APPBP2: variants seen among roughly 807,000 people sequenced by gnomAD.
APPBP2 encodes the protein amyloid beta precursor protein binding protein 2.
Under a neutral mutation model 76.0 loss-of-function variants are expected in APPBP2, and 15 were observed. The observed-to-expected ratio is 0.20, with a 90% CI of 0.13 to 0.30. APPBP2 has a LOEUF of 0.30. Ranked by LOEUF, APPBP2 falls within the 10% of genes least tolerant of loss-of-function variation. The pLI is 1.00. For missense variants in APPBP2, 401 were observed against 687.2 expected (o/e 0.58, Z 4.66); for synonymous variants, 222 against 242.2 (o/e 0.92, Z 0.77).
intron 1 of APPBP2, among the ~76,000 whole-genome samples, chr17:60,518,358 CGTGTGTGTGTGTGTGTGTGTGTGTGT>C (rs59428194): frequency 4.5e-4 from 40 of 89,098 alleles, no homozygotes; most frequent in African/African-American, 1.9e-3. Context: ...TGTGTGCGTG[CGTGTGTGTGTGTGTGTGTGTGTGTGT>C]GTGTGTGTGT....
At chr17:60,463,148 C>T (rs1377982957) in intron 6 of APPBP2, among the ~76,000 whole-genome samples, 4 of 152,162 alleles carry the variant, frequency 2.6e-5, no homozygotes, top group African/African-American at 9.7e-5. Flanking sequence ...ATATTAGACT[C>T]TCTCAGATCT....
At chr17:60,498,156 T>C (rs1023492582) in intron 2 of APPBP2, among the ~76,000 whole-genome samples, 5 of 151,064 alleles carry the variant, frequency 3.3e-5, no homozygotes, top group Admixed American at 2.6e-4. Context: ...GCAAGTACAA[T>C]GAAAAGCCAG....
At chr17:60,451,470 A>T (rs772369750) in intron 12 of APPBP2, among the ~76,000 whole-genome samples, 46 of 151,918 alleles carry the variant, frequency 3.0e-4, no homozygotes, top group Non-Finnish European at 4.9e-4. Context: ...TTAGTATTTT[A>T]TTTTATTTTA....
intron 4 of APPBP2, among the ~76,000 whole-genome samples, chr17:60,469,534 C>T (rs1212261008): frequency 6.6e-6 from 1 of 152,054 alleles, no homozygotes; most frequent in Non-Finnish European, 1.5e-5. Context: ...CTATCCACTT[C>T]CAAAACTTTT....
At chr17:60,450,437 CAAA>C (rs374410554) in intron 12 of APPBP2, among the ~76,000 whole-genome samples, 11 of 114,728 alleles carry the variant, frequency 9.6e-5, no homozygotes, top group Admixed American at 1.8e-4. Flanking sequence ...GACTCCCTCT[CAAA>C]AAAAAAAAAA....
At chr17:60,484,918 A>T (rs887848817) in intron 3 of APPBP2, among the ~76,000 whole-genome samples, 3 of 151,152 alleles carry the variant, frequency 2.0e-5, no homozygotes, top group African/African-American at 7.3e-5. Flanking sequence ...TAATTTATTG[A>T]GAGTTGAATT....
intron 3 of APPBP2, among the ~76,000 whole-genome samples, chr17:60,493,999 A>G (rs1161555991): frequency 6.6e-6 from 1 of 152,158 alleles, no homozygotes; most frequent in African/African-American, 2.4e-5. Flanking sequence ...TATCCTCATA[A>G]CATCCACATG....
chr17:60,521,554 G>A (rs1391458759), intron 1 of APPBP2, among the ~76,000 whole-genome samples: 5 of 152,164 alleles, frequency 3.3e-5, no homozygotes, highest in Non-Finnish European at 7.3e-5. Context: ...CGGGCCACAC[G>A]TGGCCCAGGT....
chr17:60,460,622 A>C, intron 9 of APPBP2, 41 bp downstream of exon 9: 1 of 1,579,244 alleles, frequency 6.3e-7, no homozygotes. Flanking sequence ...TAAAACAAAA[A>C]CAGTATTTCC....
At chr17:60,500,951 C>A (rs2090818448) in intron 1 of APPBP2, among the ~76,000 whole-genome samples, 1 of 152,138 alleles carries the variant, frequency 6.6e-6, no homozygotes, top group Admixed American at 6.5e-5. Flanking sequence ...AATAGTAATA[C>A]AGGATGGCAG....
At chr17:60,488,795 TCA>T (rs2090702188) in intron 3 of APPBP2, among the ~76,000 whole-genome samples, 1 of 152,192 alleles carries the variant, frequency 6.6e-6, no homozygotes, top group South Asian at 2.1e-4. Flanking sequence ...TAAATTTCTC[TCA>T]CACACACATT....
At chr17:60,503,581 T>C (rs1282929428) in intron 1 of APPBP2, among the ~76,000 whole-genome samples, 1 of 145,964 alleles carries the variant, frequency 6.9e-6, no homozygotes, top group Non-Finnish European at 1.5e-5. Context: ...AGATGGGGTT[T>C]CACCATGTTG....
chr17:60,478,175 T>C (rs1358887525), intron 4 of APPBP2, among the ~76,000 whole-genome samples: 2 of 152,092 alleles, frequency 1.3e-5, no homozygotes, highest in Non-Finnish European at 2.9e-5. Context: ...TACCTTACGA[T>C]AAAGAATTTC....
In APPBP2 at chr17:60,464,067, C is replaced by A; in HGVS notation, c.716G>T (p.Gly239Val). 6.2e-7 allele frequency: 1 copy of A among 1,612,180 alleles called. No individual in the cohort carries two copies. Among genetic ancestry groups the A allele is most frequent in the Non-Finnish European group, 8.5e-7 (1 of 1,179,294 alleles). ...CIEAMKEITA[G>V]LPVKVVVDVL... ...ATCCACCACAACTTTCACTGGTAAG[C>A]CTGCTGTAATTTCTTTCATTGCCTC... The change falls in exon 6 of 13, where the codon GGC (glycine) becomes GTC (valine). Residue 239 changes from glycine to valine, a missense_variant. Transcript: ENST00000083182.
chr17:60,493,108 C>A (rs541862388), intron 3 of APPBP2, among the ~76,000 whole-genome samples: 1 of 152,166 alleles, frequency 6.6e-6, no homozygotes, highest in Non-Finnish European at 1.5e-5. Flanking sequence ...CTCTCATTCT[C>A]GTCTGCCACC....
chr17:60,471,749 A>G (rs889608523), intron 4 of APPBP2, among the ~76,000 whole-genome samples: 1 of 152,098 alleles, frequency 6.6e-6, no homozygotes, highest in Non-Finnish European at 1.5e-5. Context: ...TTTCATCCAT[A>G]TTCATAAGAG....
intron 3 of APPBP2, among the ~76,000 whole-genome samples, chr17:60,485,841 C>T (rs1001861809): frequency 3.3e-5 from 5 of 152,136 alleles, no homozygotes; most frequent in African/African-American, 9.7e-5. Context: ...GCTATTAGTG[C>T]TATAAATTTA....
Position 60,464,107 on chromosome 17 carries a change from AT to A in APPBP2, c.675del (p.Tyr226ThrfsTer8). 1 of 1,606,108 alleles carries A rather than the reference AT, an allele frequency of 6.2e-7. No individual in the cohort carries two copies. Among genetic ancestry groups the A allele is most frequent in the East Asian group, 2.2e-5 (1 of 44,716 alleles). ...LLFAKSHYDE[A>X]YKWCIEAMKE... ...TTCATTGCCTCGATGCACCATTTGT[AT>A]GCCTAAAAAAATTATTTATAGAAGA... On this transcript the variant is annotated frameshift_variant and splice_region_variant, in exon 6 of 13. Coordinates refer to ENST00000083182, the MANE Select transcript of APPBP2 (RefSeq NM_006380.5). LOFTEE classifies it high-confidence loss of function.
intron 4 of APPBP2, among the ~76,000 whole-genome samples, chr17:60,473,063 G>T (rs546806214): frequency 6.6e-6 from 1 of 152,208 alleles, no homozygotes; most frequent in South Asian, 2.1e-4. Context: ...TCTTTAGGTA[G>T]GAGAATTGAG....
Sources: allele counts gnomAD v4.1 joint callset (sites outside exome capture counted in the v4.1 genomes callset), GRCh38; gene constraint gnomAD v4.1.1; transcripts MANE v1.5; gene names NCBI Gene and HGNC (gene_info 2026-07-23, HGNC 2026-07-21).